RAPGEF6: variants seen among roughly 807,000 people sequenced by gnomAD.
The protein encoded by RAPGEF6 is PDZ domain containing guanine nucleotide exchange factor (GEF) 2.
Under a neutral mutation model 171.4 loss-of-function variants are expected in RAPGEF6, and 56 were observed. That is an observed-to-expected ratio of 0.33 (90% CI 0.26 to 0.41). RAPGEF6 has a LOEUF of 0.41. RAPGEF6 is among the 10% of genes least tolerant of loss of function. The pLI is 1.00. For synonymous variants in RAPGEF6, 692 were observed against 650.1 expected (o/e 1.06, Z -0.98); for missense variants, 1,674 against 1,921.4 (o/e 0.87, Z 2.41).
At chr5:131,454,998 C>T (rs749277881) in intron 20 of RAPGEF6, among the ~76,000 whole-genome samples, 5 of 152,146 alleles carry the variant, frequency 3.3e-5, no homozygotes, top group Non-Finnish European at 7.4e-5. Flanking sequence ...GAAGTAAAGG[C>T]ATTTTCAGAT....
intron 21 of RAPGEF6, among the ~76,000 whole-genome samples, chr5:131,452,108 T>C (rs1441466796): frequency 2.0e-5 from 3 of 151,968 alleles, no homozygotes; most frequent in East Asian, 1.9e-4. Flanking sequence ...TTGTTCCAGC[T>C]ACTCAGGAGG....
intron 23 of RAPGEF6, among the ~76,000 whole-genome samples, chr5:131,441,368 C>A (rs1255489293): frequency 3.9e-5 from 6 of 152,246 alleles, no homozygotes; most frequent in Admixed American, 3.9e-4. Flanking sequence ...TCTGTCAACA[C>A]TGCATGCAAT....
intron 21 of RAPGEF6, among the ~76,000 whole-genome samples, chr5:131,448,235 A>G (rs1752845267): frequency 6.6e-6 from 1 of 152,194 alleles, no homozygotes; most frequent in African/African-American, 2.4e-5. Flanking sequence ...ACTCTAAAAG[A>G]AAACGTTTCA....
At chr5:131,619,669 G>C (rs758040) in intron 1 of RAPGEF6, among the ~76,000 whole-genome samples, 1,594 of 152,224 alleles carry the variant, frequency 0.01, 20 homozygotes, top group African/African-American at 0.036. Flanking sequence ...CCTAATACTT[G>C]TTAATTCTAA....
At chr5:131,605,540 T>C (rs1184941998) in intron 1 of RAPGEF6, among the ~76,000 whole-genome samples, 2 of 152,236 alleles carry the variant, frequency 1.3e-5, no homozygotes, top group African/African-American at 4.8e-5. Flanking sequence ...TTAAATTCGC[T>C]ATAAAAAACA....
intron 1 of RAPGEF6, among the ~76,000 whole-genome samples, chr5:131,620,823 C>A (rs577116670): frequency 5.3e-4 from 81 of 152,322 alleles, no homozygotes; most frequent in African/African-American, 1.9e-3. Context: ...AACTCCTGGC[C>A]TCAAGTGATC....
intron 1 of RAPGEF6, among the ~76,000 whole-genome samples, chr5:131,629,179 G>A (rs1247676520): frequency 6.6e-6 from 1 of 152,106 alleles, no homozygotes; most frequent in Non-Finnish European, 1.5e-5. Flanking sequence ...CATTCCAGAT[G>A]CCATTAAAAC....
At chr5:131,532,891 T>C (rs1759491772) in intron 6 of RAPGEF6, 1 of 152,618 alleles carries the variant, frequency 6.6e-6, no homozygotes, top group Non-Finnish European at 1.5e-5. Flanking sequence ...TTATATAATA[T>C]GGTACAAAAC....
intron 1 of RAPGEF6, among the ~76,000 whole-genome samples, chr5:131,633,573 T>C (rs995161317): frequency 2.6e-5 from 4 of 151,322 alleles, no homozygotes; most frequent in African/African-American, 7.3e-5. Flanking sequence ...CTACTAAAAA[T>C]ACAAAAAATT....
chr5:131,449,965 C>T, intron 21 of RAPGEF6: 2 of 1,475,100 alleles, frequency 1.4e-6, no homozygotes, highest in Admixed American at 2.0e-5. Flanking sequence ...GAAAAGGATG[C>T]AATATATGTT....
At position 131,445,493 on chromosome 5, in the gene RAPGEF6, C is replaced by CTCTGTGTGTGTGTGTGTG. The variant is rs1554070849; in HGVS notation, c.3421+989_3421+990insCACACACACACACACAGA. 8.5e-3 allele frequency among the ~76,000 whole-genome samples: 1,258 copies of CTCTGTGTGTGTGTGTGTG among 147,310 alleles called. 18 individuals are homozygous for CTCTGTGTGTGTGTGTGTG. The highest frequency in any genetic ancestry group is 0.029 in the African/African-American group (1,146 of 39,354). ...TTTATGGGCAAATTTAACTCACTCT[C>CTCTGTGTGTGTGTGTGTG]TGTGTGTGTGTGTGTGTGTGTGTGT... On this transcript the variant is annotated intron_variant, in intron 22 of 27. Coordinates refer to ENST00000509018, the MANE Select transcript of RAPGEF6 (RefSeq NM_016340.6).
chr5:131,554,513 G>A (rs575160737), intron 5 of RAPGEF6, among the ~76,000 whole-genome samples: 1 of 152,240 alleles, frequency 6.6e-6, no homozygotes, highest in South Asian at 2.1e-4. Flanking sequence ...AGCCTCAGGT[G>A]TTTTTAAATA....
At chr5:131,572,474 A>C (rs937744742) in intron 4 of RAPGEF6, among the ~76,000 whole-genome samples, 3 of 152,146 alleles carry the variant, frequency 2.0e-5, no homozygotes, top group African/African-American at 7.2e-5. Context: ...TCGGTTACTG[A>C]CTTGGGAAGA....
At chr5:131,594,486 C>T (rs1763774357) in intron 3 of RAPGEF6, among the ~76,000 whole-genome samples, 2 of 152,198 alleles carry the variant, frequency 1.3e-5, no homozygotes, top group South Asian at 4.1e-4. Flanking sequence ...TAGGGCAGTG[C>T]AGAGGGAAAA....
intron 22 of RAPGEF6, among the ~76,000 whole-genome samples, chr5:131,443,229 C>T (rs765492803): frequency 6.6e-6 from 1 of 151,942 alleles, no homozygotes; most frequent in Non-Finnish European, 1.5e-5. Flanking sequence ...AGGCGTGAGC[C>T]ACTGCGCCTG....
At chr5:131,462,158 G>GTAAAATA in intron 18 of RAPGEF6, 70 bp from the exon 19 acceptor site, 1 of 1,190,270 alleles carries the variant, frequency 8.4e-7, no homozygotes. Context: ...TTTCCTTTTT[G>GTAAAATA]TCGTTGTAAA....
At chr5:131,537,090 AGTT>A (rs776344693) in intron 6 of RAPGEF6, among the ~76,000 whole-genome samples, 2 of 152,208 alleles carry the variant, frequency 1.3e-5, no homozygotes, top group Non-Finnish European at 2.9e-5. Context: ...ATGTCTGAGT[AGTT>A]GTTATTCCCC....
At chr5:131,567,008 C>T (rs1226591068) in intron 4 of RAPGEF6, among the ~76,000 whole-genome samples, 1 of 150,678 alleles carries the variant, frequency 6.6e-6, no homozygotes, top group Non-Finnish European at 1.5e-5. Context: ...GCAGGAGAAT[C>T]ACTTGAACCC....
At chr5:131,453,473 C>G (rs1445824714) in intron 20 of RAPGEF6, among the ~76,000 whole-genome samples, 1 of 152,110 alleles carries the variant, frequency 6.6e-6, no homozygotes, top group East Asian at 1.9e-4. Flanking sequence ...CACTTGTAAT[C>G]CCAGCACTTT....
Sources: allele counts gnomAD v4.1 joint callset (sites outside exome capture counted in the v4.1 genomes callset), GRCh38; gene constraint gnomAD v4.1.1; transcripts MANE v1.5; gene names NCBI Gene and HGNC (gene_info 2026-07-23, HGNC 2026-07-21).